Variants in GGH observed in about 807,000 individuals in gnomAD.
GGH encodes gamma-glutamyl hydrolase, also known as gamma-Glu-X carboxypeptidase.
A neutral mutation model predicts 39.2 loss-of-function variants in GGH; 18 were observed. The observed-to-expected ratio is 0.46, with a 90% CI of 0.32 to 0.68. The LOEUF is 0.68. GGH is among the 30% of genes least tolerant of loss of function. The pLI is 0.04. For missense variants in GGH, 367 were observed against 384.1 expected, an observed-to-expected ratio of 0.96 and a Z score of 0.37; for synonymous variants, 147 against 138.8, an observed-to-expected ratio of 1.06 and a Z score of -0.42.
intron 7 of GGH, among the ~76,000 whole-genome samples, chr8:63,019,241 T>A (rs1226556171): frequency 1.3e-5 from 2 of 152,222 alleles, no homozygotes; most frequent in African/African-American, 4.8e-5. Context: ...ATGTATCTTG[T>A]TCGTGTCTTA....
intron 8 of GGH, 99 bp from the exon 9 acceptor site, chr8:63,015,552 G>A: frequency 3.2e-6 from 2 of 634,568 alleles, no homozygotes; most frequent in South Asian, 4.3e-5. Flanking sequence ...TATTAAGTGG[G>A]AAAATATCAA....
intron 8 of GGH, among the ~76,000 whole-genome samples, chr8:63,015,807 G>A (rs147612842): frequency 5.6e-4 from 81 of 145,372 alleles, no homozygotes; most frequent in African/African-American, 1.9e-3. Flanking sequence ...TGCTCACTCC[G>A]CAACTCATTC....
At chr8:63,025,435 C>G (rs982920727) in intron 5 of GGH, 8 of 152,144 alleles carry the variant, frequency 5.3e-5, no homozygotes, top group African/African-American at 1.4e-4. Context: ...CACTGGAGTT[C>G]CTGGTTGCTG....
At position 63,021,819 on chromosome 8, in the gene GGH, G is replaced by A. The variant is rs190344992; in HGVS notation, c.697+2088C>T. The stretch of plus-strand genomic sequence containing the variant: ...CTCCCAAGTAGCTGGGATTACAGGC[G>A]TGCGCCACCACGCCTGGCTAATTTT... On this transcript the variant is annotated intron_variant, in intron 7 of 8. Transcript: ENST00000260118. Among the ~76,000 whole-genome samples the A allele has an allele frequency of 3.7e-3, 555 of 151,850 alleles. 9 individuals carry two copies. Among genetic ancestry groups the A allele is most frequent in the African/African-American group, 5.0e-3 (208 of 41,426 alleles).
At chr8:63,017,742 G>A (rs2129640467) in intron 7 of GGH, 112 bp from the exon 8 acceptor site, 7 of 617,410 alleles carry the variant, frequency 1.1e-5, no homozygotes, top group East Asian at 5.9e-5. Context: ...TATCAGACAA[G>A]GTAAAATTGT....
rs1326067805 is a variant in GGH, at chr8:63,035,774, A to G, written c.110-4T>C. On this transcript the variant is annotated splice_region_variant and splice_polypyrimidine_tract_variant and intron_variant, in intron 1 of 8. Coordinates refer to ENST00000260118, the MANE Select transcript of GGH (RefSeq NM_003878.3). ...CGGCATTTTTGCATTAATATTCCTA[A>G]TAACAAAAAAAAGTTTAGTTTCAAG... 6.2e-7 allele frequency: 1 copy of G among 1,602,546 alleles called. No individual in the cohort carries two copies. The highest frequency in any genetic ancestry group is 1.3e-5 in the African/African-American group (1 of 74,136).
At chr8:63,036,266 C>T (rs1189931598) in intron 1 of GGH, among the ~76,000 whole-genome samples, 1 of 152,154 alleles carries the variant, frequency 6.6e-6, no homozygotes, top group Non-Finnish European at 1.5e-5. Context: ...TATATCTTTT[C>T]TTAAGAAACC....
At chr8:63,022,406 A>C (rs1804604839) in intron 7 of GGH, among the ~76,000 whole-genome samples, 1 of 152,094 alleles carries the variant, frequency 6.6e-6, no homozygotes, top group Non-Finnish European at 1.5e-5. Flanking sequence ...TTCTTCTGAC[A>C]CATTTGGCAT....
In GGH at chr8:63,020,076, T is replaced by G. The variant is rs371096283; in HGVS notation, c.698-2446A>C. ...TATTTTTATATTTTAATTCCATTTT[T>G]CCCACAAACTTTTTGAAGTCACTGA... On this transcript the variant is annotated intron_variant, in intron 7 of 8. Transcript: ENST00000260118. Among the ~76,000 whole-genome samples, 21 of 152,328 alleles carry G rather than the reference T, an allele frequency of 1.4e-4. No individual in the cohort carries two copies. In the South Asian group the frequency reaches 3.1e-3, roughly 23 times the overall value.
intron 2 of GGH, among the ~76,000 whole-genome samples, 195 bp downstream of exon 2, chr8:63,035,461 G>A (rs1379117937): frequency 2.6e-5 from 4 of 151,920 alleles, no homozygotes; most frequent in African/African-American, 9.7e-5. Flanking sequence ...GTGCACTACT[G>A]CACCCAGCTA....
At chr8:63,019,102 AC>A (rs1422060540) in intron 7 of GGH, among the ~76,000 whole-genome samples, 1 of 152,240 alleles carries the variant, frequency 6.6e-6, no homozygotes, top group Non-Finnish European at 1.5e-5. Flanking sequence ...CTGATGCTTT[AC>A]AAAAAATTTA....
chr8:63,027,573 C>A (rs575236011), intron 3 of GGH, among the ~76,000 whole-genome samples: 75 of 152,174 alleles, frequency 4.9e-4, no homozygotes, highest in African/African-American at 1.7e-3. Context: ...GTACACAGAG[C>A]TAGACATCAA....
intron 5 of GGH, chr8:63,024,877 C>T (rs905550181): frequency 6.6e-6 from 1 of 152,226 alleles, no homozygotes; most frequent in Non-Finnish European, 1.5e-5. Flanking sequence ...TCTGGCAACA[C>T]ACAACCAAAG....
intron 7 of GGH, among the ~76,000 whole-genome samples, chr8:63,022,489 A>C (rs1234076725): frequency 1.7e-5 from 2 of 118,878 alleles, no homozygotes; most frequent in Non-Finnish European, 3.3e-5. Flanking sequence ...TAGTTCATTA[A>C]TTTCTCCTCA....
intron 2 of GGH, among the ~76,000 whole-genome samples, chr8:63,031,157 A>G (rs1328901032): frequency 6.6e-6 from 1 of 152,120 alleles, no homozygotes; most frequent in African/African-American, 2.4e-5. Flanking sequence ...TTTTAGGGGG[A>G]GGTAAAGTCC....
chr8:63,027,069 T>C, intron 4 of GGH, 112 bp downstream of exon 4: 1 of 715,046 alleles, frequency 1.4e-6, no homozygotes, highest in Non-Finnish European at 2.5e-6. Flanking sequence ...AAAGGTATGA[T>C]GAGGCTAAGG....
At chr8:63,024,255 T>C in intron 5 of GGH, 69 bp from the exon 6 acceptor site, 1 of 870,836 alleles carries the variant, frequency 1.1e-6, no homozygotes, top group Non-Finnish European at 1.9e-6. Context: ...AGTCACTTAC[T>C]GCACCCAAAG....
chr8:63,032,284 C>T (rs1168252314), intron 2 of GGH, among the ~76,000 whole-genome samples: 4 of 152,196 alleles, frequency 2.6e-5, no homozygotes, highest in Non-Finnish European at 4.4e-5. Flanking sequence ...GATCTTCCCA[C>T]CTCAGCCTCC....
chr8:63,022,922 T>G (rs1378568397), intron 7 of GGH, among the ~76,000 whole-genome samples: 1 of 152,212 alleles, frequency 6.6e-6, no homozygotes. Flanking sequence ...ACTTAAAATA[T>G]ATTATACTTT....
Sources: allele counts gnomAD v4.1 joint callset (sites outside exome capture counted in the v4.1 genomes callset), GRCh38; gene constraint gnomAD v4.1.1; transcripts MANE v1.5; gene names NCBI Gene and HGNC (gene_info 2026-07-23, HGNC 2026-07-21).